DPP10: variants seen among roughly 807,000 people sequenced by gnomAD.
DPP10 encodes the protein dipeptidyl peptidase like 10.
DPP10 carries 33 observed loss-of-function variants against 120.9 expected under a neutral mutation model. The ratio of observed to expected loss-of-function variants is 0.27; its 90% CI spans 0.21 to 0.37. The LOEUF is 0.37. Among genes scored for constraint, DPP10 ranks in the 10% least tolerant of loss-of-function variants. The pLI, the probability that DPP10 is intolerant of heterozygous loss-of-function variation, is 1.00. For synonymous variants in DPP10, 337 were observed against 326.1 expected, an observed-to-expected ratio of 1.03 and a Z score of -0.36; for missense variants, 816 against 942.8, an observed-to-expected ratio of 0.87 and a Z score of 1.76.
chr2:115,603,261 C>T (rs2083459244), intron 5 of DPP10, among the ~76,000 whole-genome samples: 2 of 151,702 alleles, frequency 1.3e-5, no homozygotes, highest in South Asian at 4.2e-4. Context: ...CCTGTGGTCT[C>T]ATATTTTCTT....
At chr2:114,748,340 T>TA (rs1678795585) in intron 1 of DPP10, among the ~76,000 whole-genome samples, 1 of 129,752 alleles carries the variant, frequency 7.7e-6, no homozygotes, top group Non-Finnish European at 1.6e-5. Context: ...GGAATTTTCT[T>TA]TTTTTTTTTT....
At chr2:115,668,496 C>G (rs1367576291) in intron 5 of DPP10, among the ~76,000 whole-genome samples, 1 of 152,058 alleles carries the variant, frequency 6.6e-6, no homozygotes, top group African/African-American at 2.4e-5. Context: ...GAGCATGAGC[C>G]AAATAAACTT....
intron 7 of DPP10, among the ~76,000 whole-genome samples, chr2:115,707,602 G>A (rs1011394397): frequency 1.3e-5 from 2 of 151,596 alleles, no homozygotes; most frequent in African/African-American, 4.8e-5. Flanking sequence ...AAAATTCATT[G>A]CAACACTATT....
intron 5 of DPP10, among the ~76,000 whole-genome samples, chr2:115,564,074 C>A (rs946863170): frequency 6.6e-6 from 1 of 152,228 alleles, no homozygotes; most frequent in South Asian, 2.1e-4. Flanking sequence ...TTCTGGAAGC[C>A]TCTTTTAATT....
intron 4 of DPP10, among the ~76,000 whole-genome samples, chr2:115,525,447 T>G (rs146400419): frequency 6.6e-6 from 1 of 152,248 alleles, no homozygotes; most frequent in East Asian, 1.9e-4. Context: ...AGAGTCTGTC[T>G]TTAATGTTAG....
chr2:114,833,417 T>G (rs1687319020), intron 1 of DPP10: 1 of 152,180 alleles, frequency 6.6e-6, no homozygotes, highest in Non-Finnish European at 1.5e-5. Flanking sequence ...ATATTTTATC[T>G]CATTAAATTA....
intron 1 of DPP10, among the ~76,000 whole-genome samples, chr2:114,699,168 GCAGA>G (rs1700240347): frequency 1.3e-5 from 2 of 152,102 alleles, no homozygotes; most frequent in Non-Finnish European, 2.9e-5. Context: ...TAATTGTCTT[GCAGA>G]CGTAAACTCA....
intron 21 of DPP10, 27 bp downstream of exon 21, chr2:115,815,756 CTTTTT>C (rs760873863): frequency 6.4e-7 from 1 of 1,571,598 alleles, no homozygotes; most frequent in Non-Finnish European, 8.7e-7. Flanking sequence ...CTGAATCTAT[CTTTTT>C]ATGCGTATCT....
chr2:115,025,011 A>G (rs1703358700), intron 1 of DPP10, among the ~76,000 whole-genome samples: 1 of 151,876 alleles, frequency 6.6e-6, no homozygotes, highest in Admixed American at 6.6e-5. Flanking sequence ...TTTTAATGCT[A>G]GGAACACTTG....
intron 1 of DPP10, among the ~76,000 whole-genome samples, chr2:114,657,376 C>T (rs1009124869): frequency 2.0e-5 from 3 of 152,080 alleles, no homozygotes; most frequent in Admixed American, 2.0e-4. Context: ...TGTACCCTTT[C>T]CTAACTAGTC....
chr2:114,934,982 A>G (rs1014965595), intron 1 of DPP10, among the ~76,000 whole-genome samples: 2 of 152,208 alleles, frequency 1.3e-5, no homozygotes, highest in Non-Finnish European at 1.5e-5. Context: ...CATGGAAAAG[A>G]TATTTACTGA....
chr2:115,158,981 G>C (rs956545396), intron 1 of DPP10, among the ~76,000 whole-genome samples: 1 of 145,158 alleles, frequency 6.9e-6, no homozygotes, highest in African/African-American at 2.5e-5. Context: ...TATCTATTGA[G>C]TTTTTTTTTT....
intron 3 of DPP10, among the ~76,000 whole-genome samples, chr2:115,460,394 G>A (rs1203740330): frequency 6.6e-6 from 1 of 152,078 alleles, no homozygotes; most frequent in Non-Finnish European, 1.5e-5. Flanking sequence ...ATCTCCCAAG[G>A]TGACATTCCC....
chr2:114,992,127 A>T (rs1176302387), intron 1 of DPP10, among the ~76,000 whole-genome samples: 1 of 152,218 alleles, frequency 6.6e-6, no homozygotes, highest in Non-Finnish European at 1.5e-5. Context: ...ATGCTTGCAA[A>T]TAATTCATTT....
chr2:114,752,867 G>C (rs893371254), intron 1 of DPP10, among the ~76,000 whole-genome samples: 1 of 152,192 alleles, frequency 6.6e-6, no homozygotes, highest in South Asian at 2.1e-4. Context: ...AGCTGAAATG[G>C]GGAAATATGG....
intron 1 of DPP10, among the ~76,000 whole-genome samples, chr2:114,930,998 A>G (rs1327632750): frequency 6.6e-6 from 1 of 152,160 alleles, no homozygotes; most frequent in East Asian, 1.9e-4. Context: ...AAATGTCAAC[A>G]TGAGGTTTGG....
At chr2:115,632,537 T>G (rs185587528) in intron 5 of DPP10, among the ~76,000 whole-genome samples, 1 of 152,324 alleles carries the variant, frequency 6.6e-6, no homozygotes, top group East Asian at 1.9e-4. Flanking sequence ...GCAGGCATGA[T>G]GGTGACGAAT....
intron 1 of DPP10, chr2:115,145,099 A>G (rs906136876): frequency 1.1e-4 from 17 of 152,100 alleles, no homozygotes; most frequent in African/African-American, 4.1e-4. Flanking sequence ...TAATTATTAT[A>G]TACATATCCT....
intron 1 of DPP10, among the ~76,000 whole-genome samples, chr2:115,004,427 A>G (rs961336776): frequency 6.6e-6 from 1 of 152,202 alleles, no homozygotes; most frequent in Non-Finnish European, 1.5e-5. Flanking sequence ...CGCAGAAGAC[A>G]GGTGATTTCT....
Sources: gnomAD v4.1 joint callset for allele counts (sites outside exome capture counted in the v4.1 genomes callset) on GRCh38, gnomAD v4.1.1 for gene constraint, MANE v1.5 for transcripts, NCBI Gene and HGNC (gene_info 2026-07-23, HGNC 2026-07-21) for gene names.